Variants in GALNTL6 observed in about 807,000 individuals in gnomAD.
GALNTL6 encodes the protein polypeptide N-acetylgalactosaminyltransferase like 6, also known as polypeptide N-acetylgalactosaminyltransferase-like 6.
GALNTL6 carries 46 observed loss-of-function variants against 73.7 expected under a neutral mutation model. The ratio of observed to expected loss-of-function variants is 0.62; its 90% CI spans 0.49 to 0.80. The LOEUF is 0.80. GALNTL6 is among the 30% of genes least tolerant of loss of function. The probability of loss-of-function intolerance (pLI) is 0.00; values close to 1 mark genes in which losing one functional copy is unlikely to be tolerated. For synonymous variants in GALNTL6, 259 were observed against 263.7 expected (o/e 0.98, Z 0.17); for missense variants, 604 against 755.0 (o/e 0.80, Z 2.34).
chr4:172,818,626 T>C (rs4525949), intron 7 of GALNTL6, among the ~76,000 whole-genome samples: 2,542 of 152,274 alleles, frequency 0.017, 36 homozygotes, highest in Middle Eastern at 0.065. Context: ...GGAGACAAAG[T>C]CTCACTCTGT....
chr4:172,841,767 G>C (rs192500166), intron 7 of GALNTL6, among the ~76,000 whole-genome samples: 68 of 152,236 alleles, frequency 4.5e-4, no homozygotes, highest in South Asian at 1.2e-3. Context: ...TCCCCTCTAC[G>C]TGTGCGGATT....
chr4:172,042,962 G>C (rs1458660836), intron 2 of GALNTL6, among the ~76,000 whole-genome samples: 1 of 147,532 alleles, frequency 6.8e-6, no homozygotes, highest in Non-Finnish European at 1.5e-5. Flanking sequence ...GAAACACAGT[G>C]TTACAGACTC....
intron 7 of GALNTL6, among the ~76,000 whole-genome samples, chr4:172,841,164 G>C (rs927193449): frequency 6.6e-6 from 1 of 152,086 alleles, no homozygotes; most frequent in Non-Finnish European, 1.5e-5. Context: ...TAGCTTTCTT[G>C]CATTTCCATG....
At chr4:171,975,115 G>A (rs1250307315) in intron 2 of GALNTL6, among the ~76,000 whole-genome samples, 1 of 152,218 alleles carries the variant, frequency 6.6e-6, no homozygotes, top group East Asian at 1.9e-4. Context: ...AGCAACCACG[G>A]GTAGTAAGCA....
chr4:172,804,695 A>G (rs1389048039), intron 5 of GALNTL6, among the ~76,000 whole-genome samples: 1 of 152,168 alleles, frequency 6.6e-6, no homozygotes, highest in Non-Finnish European at 1.5e-5. Context: ...AATCCCTCAA[A>G]GCTTTCTAAA....
intron 5 of GALNTL6, among the ~76,000 whole-genome samples, chr4:172,449,319 A>G (rs1732131578): frequency 6.6e-6 from 1 of 152,132 alleles, no homozygotes. Context: ...CCCTCCAAGT[A>G]CCACCATTAT....
chr4:172,605,684 G>A (rs1237206351), intron 5 of GALNTL6, among the ~76,000 whole-genome samples: 3 of 152,096 alleles, frequency 2.0e-5, no homozygotes, highest in Admixed American at 2.0e-4. Flanking sequence ...GTTTGGTATG[G>A]CTAGAATATA....
chr4:172,729,827 G>A (rs1736044548), intron 5 of GALNTL6, among the ~76,000 whole-genome samples: 1 of 152,086 alleles, frequency 6.6e-6, no homozygotes, highest in Admixed American at 6.5e-5. Context: ...GGGTGGTATT[G>A]TCATCTTATC....
chr4:172,174,262 T>G (rs973623210), intron 2 of GALNTL6, among the ~76,000 whole-genome samples: 4 of 152,094 alleles, frequency 2.6e-5, no homozygotes, highest in African/African-American at 9.7e-5. Flanking sequence ...ATGAAGAAAA[T>G]GTGAGGTGAA....
At chr4:172,565,431 T>C (rs1736519749) in intron 5 of GALNTL6, among the ~76,000 whole-genome samples, 1 of 152,220 alleles carries the variant, frequency 6.6e-6, no homozygotes, top group African/African-American at 2.4e-5. Flanking sequence ...AGCAAACTCA[T>C]GTCTCATTGA....
intron 5 of GALNTL6, among the ~76,000 whole-genome samples, chr4:172,723,562 A>C (rs889996107): frequency 6.6e-6 from 1 of 152,018 alleles, no homozygotes; most frequent in African/African-American, 2.4e-5. Flanking sequence ...GTCCTAGCAC[A>C]CTTTTTTTTT....
chr4:173,009,857 G>A (rs905489982), intron 11 of GALNTL6, among the ~76,000 whole-genome samples: 21 of 152,150 alleles, frequency 1.4e-4, no homozygotes, highest in African/African-American at 4.8e-4. Context: ...TTTTTGTTTT[G>A]TTTGCTTTTT....
At chr4:171,908,621 T>A (rs903750959) in intron 2 of GALNTL6, among the ~76,000 whole-genome samples, 2 of 151,184 alleles carry the variant, frequency 1.3e-5, no homozygotes, top group African/African-American at 4.9e-5. Flanking sequence ...AAATACCATT[T>A]GACCCAGCCA....
chr4:172,113,069 A>G (rs2110982709), intron 2 of GALNTL6, among the ~76,000 whole-genome samples: 1 of 152,088 alleles, frequency 6.6e-6, no homozygotes. Context: ...CCGAGAATAT[A>G]TAGGTAGGTA....
chr4:171,894,580 C>T (rs1736855007), intron 2 of GALNTL6, among the ~76,000 whole-genome samples: 1 of 152,142 alleles, frequency 6.6e-6, no homozygotes, highest in Admixed American at 6.5e-5. Context: ...GAATCTTGCT[C>T]TTTTGTCCAG....
intron 7 of GALNTL6, among the ~76,000 whole-genome samples, chr4:172,865,753 T>C (rs945946438): frequency 2.0e-5 from 3 of 152,220 alleles, no homozygotes; most frequent in African/African-American, 7.2e-5. Flanking sequence ...CTCTCTTCTC[T>C]CCCTCATGAG....
At chr4:172,624,954 T>A (rs973010522) in intron 5 of GALNTL6, among the ~76,000 whole-genome samples, 2 of 151,994 alleles carry the variant, frequency 1.3e-5, no homozygotes, top group African/African-American at 4.8e-5. Context: ...TTTTCAACCC[T>A]TTACGCCATC....
At chr4:172,293,060 T>G (rs1739525845) in intron 3 of GALNTL6, among the ~76,000 whole-genome samples, 1 of 152,172 alleles carries the variant, frequency 6.6e-6, no homozygotes. Context: ...AAAAGGAAAA[T>G]TACATATCAC....
At chr4:172,610,630 T>C (rs72986694) in intron 5 of GALNTL6, among the ~76,000 whole-genome samples, 5,299 of 152,048 alleles carry the variant, frequency 0.035, 249 homozygotes, top group African/African-American at 0.1. Flanking sequence ...TTTTAGATTA[T>C]GTATATGCAG....
Sources: allele counts gnomAD v4.1 joint callset (sites outside exome capture counted in the v4.1 genomes callset), GRCh38; gene constraint gnomAD v4.1.1; transcripts MANE v1.5; gene names NCBI Gene and HGNC (gene_info 2026-07-23, HGNC 2026-07-21).